GTPBP10: variants seen among roughly 807,000 people sequenced by gnomAD.
GTPBP10 encodes the protein GTP-binding protein 10.
Under a neutral mutation model 44.8 loss-of-function variants are expected in GTPBP10, and 38 were observed. The observed-to-expected ratio is 0.85, with a 90% CI of 0.65 to 1.11. GTPBP10 has a LOEUF of 1.11. Ranked by LOEUF, GTPBP10 falls within the 50% of genes most tolerant of loss-of-function variation. The probability of loss-of-function intolerance (pLI) is 0.00; values close to 1 mark genes in which losing one functional copy is unlikely to be tolerated. For synonymous variants in GTPBP10, 152 were observed against 150.6 expected, an observed-to-expected ratio of 1.01 and a Z score of -0.07; for missense variants, 462 against 453.7, an observed-to-expected ratio of 1.02 and a Z score of -0.17.
At chr7:90,354,653 T>C in intron 3 of GTPBP10, 104 bp downstream of exon 3, 1 of 601,354 alleles carries the variant, frequency 1.7e-6, no homozygotes. Flanking sequence ...TAACTAACAA[T>C]TTTAGCTACT....
At chr7:90,368,070 A>T (rs1251030671) in intron 4 of GTPBP10, among the ~76,000 whole-genome samples, 1 of 152,112 alleles carries the variant, frequency 6.6e-6, no homozygotes, top group Admixed American at 6.6e-5. Flanking sequence ...GAAATTCTGG[A>T]TTGAAAATTC....
intron 4 of GTPBP10, among the ~76,000 whole-genome samples, chr7:90,359,072 G>A (rs1795960841): frequency 6.7e-6 from 1 of 150,346 alleles, no homozygotes. Flanking sequence ...GGTCATTATG[G>A]AAAAGTCAAA....
At chr7:90,355,986 G>A (rs1238339967) in intron 4 of GTPBP10, among the ~76,000 whole-genome samples, 3 of 122,418 alleles carry the variant, frequency 2.5e-5, no homozygotes, top group Non-Finnish European at 4.8e-5. Flanking sequence ...CTCTCCCTCT[G>A]GCCCTATCAC....
intron 5 of GTPBP10, among the ~76,000 whole-genome samples, chr7:90,372,765 C>T (rs1167927025): frequency 2.6e-5 from 4 of 152,034 alleles, no homozygotes; most frequent in African/African-American, 7.2e-5. Flanking sequence ...TTTTATCAGG[C>T]ACTGTGATAA....
chr7:90,354,261 G>A (rs1255131135), intron 2 of GTPBP10, among the ~76,000 whole-genome samples, 197 bp from the exon 3 acceptor site: 2 of 152,086 alleles, frequency 1.3e-5, no homozygotes, highest in Non-Finnish European at 2.9e-5. Flanking sequence ...CCATTTTAGT[G>A]GGATATAATA....
intron 8 of GTPBP10, among the ~76,000 whole-genome samples, chr7:90,380,131 T>C (rs780533142): frequency 1.1e-4 from 16 of 144,354 alleles, no homozygotes; most frequent in Non-Finnish European, 1.8e-4. Context: ...TGGGCTGGAG[T>C]GCGGTGGCAC....
At chr7:90,371,467 G>A (rs969264115) in intron 4 of GTPBP10, among the ~76,000 whole-genome samples, 3 of 152,074 alleles carry the variant, frequency 2.0e-5, no homozygotes, top group African/African-American at 4.8e-5. Flanking sequence ...GACAATAGAG[G>A]GAAAAAGAGC....
intron 4 of GTPBP10, among the ~76,000 whole-genome samples, chr7:90,365,593 G>A (rs1247993529): frequency 6.6e-6 from 1 of 151,650 alleles, no homozygotes; most frequent in Non-Finnish European, 1.5e-5. Flanking sequence ...AGCCGGGATG[G>A]TCTCGATCTC....
chr7:90,377,695 TAAG>T, intron 7 of GTPBP10, 81 bp downstream of exon 7: 1 of 912,630 alleles, frequency 1.1e-6, no homozygotes, highest in Non-Finnish European at 1.7e-6. Flanking sequence ...TTTTTATAAA[TAAG>T]AAAGTGGTAG....
chr7:90,365,146 T>C (rs1031521632), intron 4 of GTPBP10, among the ~76,000 whole-genome samples: 16 of 152,098 alleles, frequency 1.1e-4, no homozygotes, highest in Non-Finnish European at 4.4e-5. Context: ...CTGCACCCAC[T>C]ATCCAACAAG....
intron 4 of GTPBP10, among the ~76,000 whole-genome samples, chr7:90,369,204 C>T (rs112283258): frequency 6.4e-4 from 98 of 152,184 alleles, no homozygotes; most frequent in Non-Finnish European, 1.0e-3. Flanking sequence ...TATGAGGTGT[C>T]TCTTGGCCCC....
At chr7:90,379,680 C>G (rs984246371) in intron 8 of GTPBP10, among the ~76,000 whole-genome samples, 2 of 152,120 alleles carry the variant, frequency 1.3e-5, no homozygotes, top group African/African-American at 2.4e-5. Context: ...TGGATGTATA[C>G]TTAGGAGTGG....
intron 4 of GTPBP10, among the ~76,000 whole-genome samples, chr7:90,365,595 C>G: frequency 6.6e-6 from 1 of 151,768 alleles, no homozygotes; most frequent in East Asian, 1.9e-4. Flanking sequence ...CCGGGATGGT[C>G]TCGATCTCCT....
chr7:90,365,021 G>C (rs1796103231), intron 4 of GTPBP10, among the ~76,000 whole-genome samples: 1 of 152,180 alleles, frequency 6.6e-6, no homozygotes, highest in Admixed American at 6.5e-5. Flanking sequence ...TCCAGGTGCT[G>C]TTTGTCACAG....
intron 8 of GTPBP10, among the ~76,000 whole-genome samples, chr7:90,379,369 A>G (rs1379022066): frequency 6.6e-6 from 1 of 152,152 alleles, no homozygotes; most frequent in Non-Finnish European, 1.5e-5. Flanking sequence ...CACCAAGCTG[A>G]TGCTGATGTT....
At chr7:90,359,230 C>T (rs753123952) in intron 4 of GTPBP10, among the ~76,000 whole-genome samples, 10 of 151,722 alleles carry the variant, frequency 6.6e-5, no homozygotes, top group African/African-American at 1.7e-4. Context: ...TGCGCCATGT[C>T]GGTTTGCTGC....
chr7:90,378,941 A>G (rs1796391328), intron 8 of GTPBP10, among the ~76,000 whole-genome samples: 1 of 152,112 alleles, frequency 6.6e-6, no homozygotes, highest in Non-Finnish European at 1.5e-5. Context: ...GACCACAGGT[A>G]ATCCACCCAC....
chr7:90,349,957 A>G (rs1258221355), intron 1 of GTPBP10, among the ~76,000 whole-genome samples: 1 of 151,906 alleles, frequency 6.6e-6, no homozygotes, highest in Non-Finnish European at 1.5e-5. Context: ...GTTCTAGGGT[A>G]CATGTACACA....
intron 4 of GTPBP10, 83 bp from the exon 5 acceptor site, chr7:90,372,072 T>C (rs1404079926): frequency 1.3e-6 from 1 of 782,020 alleles, no homozygotes; most frequent in South Asian, 1.7e-5. Flanking sequence ...ATCCCAAATA[T>C]ATTCATGAAG....
Sources: gnomAD v4.1 joint callset for allele counts (sites outside exome capture counted in the v4.1 genomes callset) on GRCh38, gnomAD v4.1.1 for gene constraint, MANE v1.5 for transcripts, NCBI Gene and HGNC (gene_info 2026-07-23, HGNC 2026-07-21) for gene names.